MYO1D: variants seen among roughly 807,000 people sequenced by gnomAD.
MYO1D encodes myosin ID.
In MYO1D, 83 loss-of-function variants were observed where a neutral mutation model predicts 122.0. That is an observed-to-expected ratio of 0.68 (90% CI 0.57 to 0.82). The LOEUF (loss-of-function observed/expected upper bound fraction) is 0.82, where lower values mean the gene tolerates loss of function less well. MYO1D is among the 40% of genes least tolerant of loss of function. The probability of loss-of-function intolerance (pLI) is 0.00; values close to 1 mark genes in which losing one functional copy is unlikely to be tolerated. For synonymous variants in MYO1D, 464 were observed against 446.9 expected, an observed-to-expected ratio of 1.04 and a Z score of -0.48; for missense variants, 1,157 against 1,269.5, an observed-to-expected ratio of 0.91 and a Z score of 1.35.
intron 16 of MYO1D, among the ~76,000 whole-genome samples, chr17:32,699,020 T>G (rs2089210624): frequency 6.6e-6 from 1 of 152,098 alleles, no homozygotes; most frequent in South Asian, 2.1e-4. Flanking sequence ...CAGGTTGGAG[T>G]GCAGTGGTAC....
chr17:32,606,142 A>G (rs922888652), intron 20 of MYO1D, among the ~76,000 whole-genome samples: 6 of 152,200 alleles, frequency 3.9e-5, no homozygotes, highest in Non-Finnish European at 8.8e-5. Flanking sequence ...GTCACAAAAT[A>G]CTAAAACTCT....
At chr17:32,624,152 G>A (rs2087891333) in intron 20 of MYO1D, among the ~76,000 whole-genome samples, 2 of 151,834 alleles carry the variant, frequency 1.3e-5, no homozygotes, top group African/African-American at 2.4e-5. Context: ...GAATAGATAA[G>A]TGGTTCTCAT....
At chr17:32,511,786 C>T (rs1198765345) in intron 21 of MYO1D, among the ~76,000 whole-genome samples, 1 of 152,190 alleles carries the variant, frequency 6.6e-6, no homozygotes, top group African/African-American at 2.4e-5. Flanking sequence ...CCAGCACCCA[C>T]ACCTTCCTCT....
intron 20 of MYO1D, among the ~76,000 whole-genome samples, chr17:32,606,080 G>T (rs1381696224): frequency 6.6e-6 from 1 of 152,070 alleles, no homozygotes; most frequent in African/African-American, 2.4e-5. Flanking sequence ...ACTCCAGCCT[G>T]GTGACAGAGT....
At chr17:32,582,074 C>T (rs2087346509) in intron 21 of MYO1D, among the ~76,000 whole-genome samples, 1 of 151,976 alleles carries the variant, frequency 6.6e-6, no homozygotes, top group South Asian at 2.1e-4. Context: ...CCATGGCTGG[C>T]TGATTTTTTT....
intron 1 of MYO1D, among the ~76,000 whole-genome samples, chr17:32,855,140 G>C (rs189309219): frequency 4.5e-4 from 69 of 152,290 alleles, no homozygotes; most frequent in Non-Finnish European, 8.5e-4. Context: ...ATTGCTTGCT[G>C]ATTTTTGTAC....
At chr17:32,738,859 C>A (rs2089740202) in intron 13 of MYO1D, among the ~76,000 whole-genome samples, 1 of 151,842 alleles carries the variant, frequency 6.6e-6, no homozygotes, top group Non-Finnish European at 1.5e-5. Flanking sequence ...AGAAAGCCTG[C>A]TCTTTAAAAA....
chr17:32,500,850 CACA>C (rs1301809760), intron 21 of MYO1D, among the ~76,000 whole-genome samples: 1 of 151,744 alleles, frequency 6.6e-6, no homozygotes, highest in African/African-American at 2.4e-5. Context: ...ACTAGAAATA[CACA>C]AAAAAATTAG....
At chr17:32,647,816 G>A (rs1206604340) in intron 19 of MYO1D, among the ~76,000 whole-genome samples, 1 of 151,450 alleles carries the variant, frequency 6.6e-6, no homozygotes, top group Non-Finnish European at 1.5e-5. Context: ...ACTAAACTCT[G>A]GAGTGTGGTA....
At chr17:32,724,166 T>C (rs1376996317) in intron 14 of MYO1D, among the ~76,000 whole-genome samples, 5 of 152,168 alleles carry the variant, frequency 3.3e-5, no homozygotes, top group Non-Finnish European at 7.4e-5. Flanking sequence ...TTTGCTGGAA[T>C]AGAATGCCTT....
At chr17:32,782,902 T>C (rs1225276468) in intron 1 of MYO1D, among the ~76,000 whole-genome samples, 1 of 151,392 alleles carries the variant, frequency 6.6e-6, no homozygotes, top group East Asian at 1.9e-4. Context: ...ACCACTGCAC[T>C]GCAGCCTGGG....
chr17:32,595,668 C>A (rs928689861), intron 21 of MYO1D, among the ~76,000 whole-genome samples: 1 of 152,146 alleles, frequency 6.6e-6, no homozygotes, highest in African/African-American at 2.4e-5. Context: ...AATGAGTATT[C>A]AACAGTTATT....
chr17:32,615,719 T>C (rs549402127), intron 20 of MYO1D, among the ~76,000 whole-genome samples: 1 of 152,360 alleles, frequency 6.6e-6, no homozygotes, highest in Admixed American at 6.5e-5. Flanking sequence ...GCATCCATAG[T>C]ATCTTCCAGA....
At position 32,659,067 on chromosome 17, in the gene MYO1D, T is replaced by A. The variant is rs771027600; in HGVS notation, c.2345+48A>T. On this transcript the variant is annotated intron_variant, in intron 17 of 21. Transcript: ENST00000318217. ...TCAGACTTGTGACTTTGCATAGTAT[T>A]AACTGTGCCACCATAAATGGATGCA... 4 of 1,523,266 alleles carry A rather than the reference T, an allele frequency of 2.6e-6. No individual in the cohort carries two copies. In the Admixed American group the frequency reaches 6.7e-5, roughly 25 times the overall value. 94.4% of individuals were successfully genotyped at this position (1,523,266 alleles called of 1,614,324 possible). A position where few individuals can be genotyped will look rare whatever the true frequency, so the allele number is the denominator to read the frequency against.
chr17:32,649,571 T>C (rs951854585), intron 19 of MYO1D, among the ~76,000 whole-genome samples: 41 of 124,250 alleles, frequency 3.3e-4, no homozygotes, highest in South Asian at 1.2e-3. Context: ...TTCTTTCTTT[T>C]TTTTTTTTTT....
intron 21 of MYO1D, among the ~76,000 whole-genome samples, chr17:32,560,133 T>C (rs1166867219): frequency 6.6e-6 from 1 of 152,102 alleles, no homozygotes; most frequent in African/African-American, 2.4e-5. Flanking sequence ...CATGTGCCTG[T>C]AATCCCAGCT....
chr17:32,648,248 T>C (rs755059674), intron 19 of MYO1D, among the ~76,000 whole-genome samples: 5 of 152,062 alleles, frequency 3.3e-5, no homozygotes, highest in Non-Finnish European at 7.4e-5. Flanking sequence ...AACAAGCCTC[T>C]ATCACGTTGA....
chr17:32,740,185 G>A (rs1310773095), intron 13 of MYO1D, among the ~76,000 whole-genome samples: 1 of 152,200 alleles, frequency 6.6e-6, no homozygotes, highest in Non-Finnish European at 1.5e-5. Context: ...TTACTGAATA[G>A]AATTTTCAGA....
At chr17:32,595,029 T>C (rs571735815) in intron 21 of MYO1D, among the ~76,000 whole-genome samples, 43 of 152,328 alleles carry the variant, frequency 2.8e-4, no homozygotes, top group African/African-American at 9.9e-4. Flanking sequence ...TTTTAGTTGC[T>C]GATTTAATAT....
Sources: gnomAD v4.1 joint callset for allele counts (sites outside exome capture counted in the v4.1 genomes callset) on GRCh38, gnomAD v4.1.1 for gene constraint, MANE v1.5 for transcripts, NCBI Gene and HGNC (gene_info 2026-07-23, HGNC 2026-07-21) for gene names.